The following SAMD5 variants were observed in gnomAD, a reference collection of about 807,000 sequenced individuals.
SAMD5 encodes the protein sterile alpha motif domain-containing protein 5.
A neutral mutation model predicts 11.3 loss-of-function variants in SAMD5; 13 were observed. The observed-to-expected ratio is 1.15, with a 90% CI of 0.75 to 1.83. SAMD5 has a LOEUF of 1.83. Among genes scored for constraint, SAMD5 ranks in the 40% most tolerant of loss-of-function variants. SAMD5 has a pLI of 0.00. For missense variants in SAMD5, 255 were observed against 239.1 expected, an observed-to-expected ratio of 1.07 and a Z score of -0.44; for synonymous variants, 129 against 111.3, an observed-to-expected ratio of 1.16 and a Z score of -1.00.
chr6:147,652,169 T>A (rs9386188), intron 1 of SAMD5, among the ~76,000 whole-genome samples: 62,582 of 152,022 alleles, frequency 0.41, 14,864 homozygotes, highest in Middle Eastern at 0.54. Flanking sequence ...ACTGCAAATA[T>A]ACAAAGTGTG....
Position 147,566,036 on chromosome 6 carries a change from T to C in SAMD5, c.*1580T>C. 1 of 985,322 alleles carries C rather than the reference T, an allele frequency of 1.0e-6. No homozygotes were observed. The highest frequency in any genetic ancestry group is 1.2e-6 in the Non-Finnish European group (1 of 829,844). 61.0% of individuals were successfully genotyped at this position (985,322 alleles called of 1,614,324 possible). ...TCACTTTTTCCTGGTCCATTTTGGT[T>C]CCTAAGAATAGATAGGCCATTAAGA... On this transcript the variant is annotated 3_prime_UTR_variant, in exon 2 of 2. Transcript: ENST00000367474.
the SAMD5 span, among the ~76,000 whole-genome samples, chr6:147,754,689 T>C: frequency 6.6e-6 from 1 of 152,176 alleles, no homozygotes; most frequent in African/African-American, 2.4e-5. Context: ...AGTTTCATAG[T>C]GTGAAGTCTT....
At chr6:147,614,009 G>A (rs551109907) in intron 1 of SAMD5, among the ~76,000 whole-genome samples, 2 of 152,112 alleles carry the variant, frequency 1.3e-5, no homozygotes, top group East Asian at 3.9e-4. Flanking sequence ...AAAATGAAAT[G>A]TGTTTTAAAG....
chr6:147,796,674 C>T, the SAMD5 span, among the ~76,000 whole-genome samples: 11,981 of 152,148 alleles, frequency 0.079, 712 homozygotes, highest in African/African-American at 0.16. Context: ...GCCATTTTCA[C>T]GATATTGATT....
At chr6:147,881,594 C>G in the SAMD5 span, among the ~76,000 whole-genome samples, 4 of 152,204 alleles carry the variant, frequency 2.6e-5, no homozygotes, top group Admixed American at 2.6e-4. Flanking sequence ...TCCTGCTTGT[C>G]AGAGACCGAA....
intron 1 of SAMD5, among the ~76,000 whole-genome samples, chr6:147,730,798 A>T (rs1292663787): frequency 1.3e-5 from 2 of 152,236 alleles, no homozygotes; most frequent in African/African-American, 2.4e-5. Flanking sequence ...AAGGGGAGTG[A>T]CTACAGTGTT....
chr6:147,735,244 G>C (rs1488312755), intron 1 of SAMD5, among the ~76,000 whole-genome samples: 1 of 152,186 alleles, frequency 6.6e-6, no homozygotes, highest in African/African-American at 2.4e-5. Flanking sequence ...TAAATGATGG[G>C]TGCTAATTAA....
Position 147,509,177 on chromosome 6 carries a change from CG to C in SAMD5, c.252del (p.Pro85ArgfsTer39). On this transcript the variant is annotated frameshift_variant, in exon 1 of 2. Transcript: ENST00000367474. LOFTEE classifies it high-confidence loss of function. Reference protein sequence around the residue: ...FTLEPQPAPPGPPADAVPTGR... With the variant: ...FTLEPQPAPPXPPADAVPTGR... ...CGCTTGAGCCGCAGCCGGCGCCCCC[CG>C]GGCCGCCCGCCGACGCCGTCCCCAC... 1 of 1,300,950 alleles carries C rather than the reference CG, an allele frequency of 7.7e-7. No individual in the cohort carries two copies. Among genetic ancestry groups the C allele is most frequent in the South Asian group, 2.7e-5 (1 of 37,444 alleles). 80.6% of individuals were successfully genotyped at this position (1,300,950 alleles called of 1,614,324 possible). A position where few individuals can be genotyped will look rare whatever the true frequency, so the allele number is the denominator to read the frequency against.
At chr6:147,858,866 A>G in the SAMD5 span, among the ~76,000 whole-genome samples, 4 of 152,204 alleles carry the variant, frequency 2.6e-5, no homozygotes, top group African/African-American at 7.2e-5. Context: ...GCCACGCACT[A>G]TTCTTTGGGA....
At chr6:147,896,256 A>G in the SAMD5 span, among the ~76,000 whole-genome samples, 6 of 152,198 alleles carry the variant, frequency 3.9e-5, no homozygotes, top group Non-Finnish European at 7.4e-5. Context: ...TGTGTCAGGG[A>G]TAAGACGGCC....
the SAMD5 span, among the ~76,000 whole-genome samples, chr6:147,827,972 T>A: frequency 6.6e-6 from 1 of 151,684 alleles, no homozygotes; most frequent in Non-Finnish European, 1.5e-5. Context: ...CTGTATTTTT[T>A]TTTTTTTAGT....
At chr6:147,853,442 A>T in the SAMD5 span, among the ~76,000 whole-genome samples, 2 of 151,958 alleles carry the variant, frequency 1.3e-5, no homozygotes, top group East Asian at 3.9e-4. Flanking sequence ...TTAATTCTCC[A>T]CCACCACCAG....
the SAMD5 span, among the ~76,000 whole-genome samples, chr6:147,882,767 C>T: frequency 1.8e-4 from 28 of 152,274 alleles, no homozygotes; most frequent in African/African-American, 3.4e-4. Context: ...TAAAATTTAA[C>T]GCTCCACATT....
chr6:147,746,896 G>T, the SAMD5 span, among the ~76,000 whole-genome samples: 1 of 152,222 alleles, frequency 6.6e-6, no homozygotes. Flanking sequence ...TTATGATGGG[G>T]TTGAGACTAG....
At chr6:147,871,447 A>C in the SAMD5 span, among the ~76,000 whole-genome samples, 1 of 152,332 alleles carries the variant, frequency 6.6e-6, no homozygotes, top group South Asian at 2.1e-4. Flanking sequence ...CGGAAAAAAC[A>C]AAAACAAAAA....
At chr6:147,614,556 A>G (rs1207394965) in intron 1 of SAMD5, among the ~76,000 whole-genome samples, 9 of 152,018 alleles carry the variant, frequency 5.9e-5, no homozygotes, top group African/African-American at 2.2e-4. Context: ...AGTGTTGAGT[A>G]AAAGAAGCCA....
the SAMD5 span, among the ~76,000 whole-genome samples, chr6:147,770,263 A>T: frequency 2.8e-4 from 43 of 152,160 alleles, no homozygotes; most frequent in Admixed American, 2.0e-4. Context: ...AATTTTTTTT[A>T]AAAAAAATCT....
exon 2 of SAMD5, chr6:147,737,346 A>T: frequency 7.9e-7 from 1 of 1,262,610 alleles, no homozygotes; most frequent in Non-Finnish European, 1.0e-6. Flanking sequence ...TTCAAGAAGT[A>T]ATTTGCGTGC....
intron 1 of SAMD5, among the ~76,000 whole-genome samples, chr6:147,613,100 G>A (rs930848324): frequency 1.3e-5 from 2 of 151,288 alleles, no homozygotes; most frequent in African/African-American, 4.9e-5. Flanking sequence ...ACAGTGAGCC[G>A]AGATCACACC....
Sources: allele counts gnomAD v4.1 joint callset (sites outside exome capture counted in the v4.1 genomes callset), GRCh38; gene constraint gnomAD v4.1.1; transcripts MANE v1.5; gene names NCBI Gene and HGNC (gene_info 2026-07-23, HGNC 2026-07-21).